CBFB: variants seen among roughly 807,000 people sequenced by gnomAD.
CBFB encodes CBF-beta.
In CBFB, 9 loss-of-function variants were observed where a neutral mutation model predicts 30.4. That is an observed-to-expected ratio of 0.30 (90% CI 0.18 to 0.52). The LOEUF (loss-of-function observed/expected upper bound fraction) is 0.52. Among genes scored for constraint, CBFB ranks in the 20% least tolerant of loss-of-function variants. The pLI, the probability that CBFB is intolerant of heterozygous loss-of-function variation, is 0.97. For missense variants in CBFB, 170 were observed against 244.0 expected (o/e 0.70, Z 2.02); for synonymous variants, 94 against 84.0 (o/e 1.12, Z -0.65).
At chr16:67,054,396 C>G (rs576975651) in intron 3 of CBFB, among the ~76,000 whole-genome samples, 1 of 152,184 alleles carries the variant, frequency 6.6e-6, no homozygotes, top group East Asian at 1.9e-4. Context: ...ATTTCCCCGT[C>G]TTTGGAAGTT....
intron 3 of CBFB, among the ~76,000 whole-genome samples, chr16:67,060,080 T>G (rs1180604903): frequency 1.3e-5 from 2 of 151,776 alleles, no homozygotes; most frequent in African/African-American, 4.8e-5. Flanking sequence ...GCTTAGGTGA[T>G]CCTCCCCACC....
chr16:67,054,928 GTA>G (rs1960670152), intron 3 of CBFB, among the ~76,000 whole-genome samples: 1 of 138,142 alleles, frequency 7.2e-6, no homozygotes, highest in Non-Finnish European at 1.5e-5. Context: ...CTAATTTTTT[GTA>G]TTTTTTTTTT....
rs753240731 is a variant in CBFB, at chr16:67,029,493, AGGCGGGCG to A, written c.78+14_78+21del. 1.3e-6 allele frequency: 2 copies of A among 1,583,922 alleles called. No homozygotes were observed. Among genetic ancestry groups the A allele is most frequent in the Admixed American group, 3.5e-5 (2 of 56,902 alleles). ...CTGAGCCGCGAGTGTGAGGTGAGGC[AGGCGGGCG>A]GGCGGCTAGGAGGCCGCAGCGCGCC... On this transcript the variant is annotated intron_variant, in intron 1 of 5. Transcript: ENST00000412916.
intron 5 of CBFB, among the ~76,000 whole-genome samples, chr16:67,095,697 T>G (rs1023385954): frequency 6.6e-5 from 10 of 150,902 alleles, no homozygotes; most frequent in Middle Eastern, 6.4e-3. Flanking sequence ...TCTGTTTTTT[T>G]TTTTTTTTTT....
intron 5 of CBFB, among the ~76,000 whole-genome samples, chr16:67,088,051 T>C (rs1024391914): frequency 2.0e-5 from 3 of 152,220 alleles, no homozygotes; most frequent in South Asian, 2.1e-4. Flanking sequence ...AAAAGAGTTA[T>C]ATTTTCATCA....
chr16:67,070,329 A>C (rs911977449), intron 4 of CBFB, among the ~76,000 whole-genome samples: 4 of 152,234 alleles, frequency 2.6e-5, no homozygotes, highest in African/African-American at 7.2e-5. Flanking sequence ...CCTTGATCCC[A>C]GGAGTTCCAG....
intron 3 of CBFB, among the ~76,000 whole-genome samples, chr16:67,060,899 A>G (rs1007865374): frequency 4.6e-5 from 7 of 152,140 alleles, no homozygotes. Flanking sequence ...TTCTAGCTTC[A>G]TTCACTTAGT....
intron 4 of CBFB, 189 bp from the exon 5 acceptor site, chr16:67,082,023 TG>T: frequency 3.5e-6 from 1 of 288,458 alleles, no homozygotes; most frequent in Non-Finnish European, 6.6e-6. Context: ...TTCACCATGT[TG>T]GTCAGGCTGG....
rs770681787 is a variant in CBFB at position 67,054,880 on chromosome 16, G to T, written c.283-11802G>T. Among the ~76,000 whole-genome samples the T allele has an allele frequency of 3.1e-4, 47 of 151,696 alleles. 1 individual carries two copies. Among genetic ancestry groups the T allele is most frequent in the Middle Eastern group, 3.4e-3 (1 of 292 alleles). On this transcript the variant is annotated intron_variant, in intron 3 of 5. Transcript: ENST00000412916. The stretch of plus-strand genomic sequence containing the variant: ...CCATTCTCCTGCCTCAGCCTCCCAC[G>T]CGTAGCTGGGACTAGAGGTGCCCAC...
intron 3 of CBFB, among the ~76,000 whole-genome samples, chr16:67,060,021 C>A (rs1274227746): frequency 2.0e-5 from 3 of 150,242 alleles, no homozygotes; most frequent in Non-Finnish European, 3.0e-5. Context: ...ATATCCCAAT[C>A]TGGAGTGCAG....
At position 67,099,193 on chromosome 16, in the gene CBFB, T is replaced by G. The variant is rs1219827317; in HGVS notation, c.*415T>G. 4.2e-6 allele frequency: 1 copy of G among 236,920 alleles called. No homozygotes were observed. Among genetic ancestry groups the G allele is most frequent in the Non-Finnish European group, 8.3e-6 (1 of 121,066 alleles). 14.7% of individuals were successfully genotyped at this position (236,920 alleles called of 1,614,324 possible). On this transcript the variant is annotated 3_prime_UTR_variant, in exon 6 of 6. Transcript: ENST00000412916. ...TTTTTTTTTGTACTTCTAGATGTTT[T>G]GGTTATACAGCTTCATTTTAGATGA...
chr16:67,037,584 T>G (rs1966463091), intron 3 of CBFB, among the ~76,000 whole-genome samples: 1 of 152,084 alleles, frequency 6.6e-6, no homozygotes, highest in African/African-American at 2.4e-5. Context: ...GAAGTTTAGG[T>G]TAAAGATACA....
At chr16:67,093,914 G>A (rs540197048) in intron 5 of CBFB, among the ~76,000 whole-genome samples, 2 of 152,276 alleles carry the variant, frequency 1.3e-5, no homozygotes, top group East Asian at 3.9e-4. Flanking sequence ...GCCACAGTAA[G>A]AAGTCCTGCT....
intron 3 of CBFB, among the ~76,000 whole-genome samples, chr16:67,055,231 CT>C (rs1169210366): frequency 2.6e-5 from 4 of 151,694 alleles, no homozygotes; most frequent in East Asian, 3.9e-4. Flanking sequence ...ATTTTTATGA[CT>C]TTTTGGAGGG....
chr16:67,064,818 G>T (rs2145748379), intron 3 of CBFB, among the ~76,000 whole-genome samples: 1 of 151,810 alleles, frequency 6.6e-6, no homozygotes, highest in Non-Finnish European at 1.5e-5. Context: ...ATGGGTTTTT[G>T]TTTTTTGTTG....
intron 1 of CBFB, 41 bp from the exon 2 acceptor site, chr16:67,029,686 C>A (rs763707912): frequency 3.3e-6 from 5 of 1,530,120 alleles, no homozygotes; most frequent in Non-Finnish European, 4.5e-6. Flanking sequence ...CGGGCGGCGC[C>A]GCGGATTTGG....
chr16:67,030,691 C>T (rs1367093946), intron 2 of CBFB, among the ~76,000 whole-genome samples: 2 of 152,128 alleles, frequency 1.3e-5, no homozygotes, highest in African/African-American at 4.8e-5. Flanking sequence ...CCTTCGCCTC[C>T]TGGGTTCAAG....
At chr16:67,062,667 C>G (rs1216413221) in intron 3 of CBFB, among the ~76,000 whole-genome samples, 2 of 151,592 alleles carry the variant, frequency 1.3e-5, no homozygotes, top group Non-Finnish European at 2.9e-5. Flanking sequence ...TGGCATGCAC[C>G]AGTAATCCCA....
At chr16:67,075,999 A>G (rs1265979278) in intron 4 of CBFB, among the ~76,000 whole-genome samples, 1 of 152,204 alleles carries the variant, frequency 6.6e-6, no homozygotes, top group African/African-American at 2.4e-5. Flanking sequence ...TGGGAGGCCA[A>G]GGTGGGCAGA....
Sources: gnomAD v4.1 joint callset for allele counts (sites outside exome capture counted in the v4.1 genomes callset) on GRCh38, gnomAD v4.1.1 for gene constraint, MANE v1.5 for transcripts, NCBI Gene and HGNC (gene_info 2026-07-23, HGNC 2026-07-21) for gene names.